ULK4: variants seen among roughly 807,000 people sequenced by gnomAD.
ULK4 encodes the protein inactive serine/threonine-protein kinase ULK4.
ULK4 carries 133 observed loss-of-function variants against 160.6 expected under a neutral mutation model. The observed-to-expected ratio is 0.83, with a 90% confidence interval of 0.72 to 0.96. The LOEUF (loss-of-function observed/expected upper bound fraction) is 0.96, where lower values mean the gene tolerates loss of function less well. ULK4 is among the 40% of genes least tolerant of loss of function. ULK4 has a pLI of 0.00. For missense variants in ULK4, 1,580 were observed against 1,499.5 expected, an observed-to-expected ratio of 1.05 and a Z score of -0.89; for synonymous variants, 534 against 539.8, an observed-to-expected ratio of 0.99 and a Z score of 0.15.
chr3:41,398,732 G>A (rs1163917601), intron 34 of ULK4, among the ~76,000 whole-genome samples: 1 of 151,850 alleles, frequency 6.6e-6, no homozygotes, highest in Non-Finnish European at 1.5e-5. Flanking sequence ...AGTGTATGTA[G>A]TTGCTCAAAC....
chr3:41,886,629 T>C (rs563148982), intron 16 of ULK4, among the ~76,000 whole-genome samples: 5 of 151,524 alleles, frequency 3.3e-5, no homozygotes, highest in Non-Finnish European at 5.9e-5. Context: ...TGGAGTGTAG[T>C]GAGTGGCACA....
chr3:41,792,673 C>T (rs754308595), intron 20 of ULK4, among the ~76,000 whole-genome samples: 3 of 152,164 alleles, frequency 2.0e-5, no homozygotes, highest in Non-Finnish European at 2.9e-5. Context: ...TGTGCAAAAG[C>T]CTAACAGACT....
chr3:41,719,000 G>T (rs1198651931), intron 22 of ULK4, among the ~76,000 whole-genome samples: 1 of 152,136 alleles, frequency 6.6e-6, no homozygotes, highest in East Asian at 1.9e-4. Context: ...CAACCTACTT[G>T]TTCTTCAATC....
intron 17 of ULK4, among the ~76,000 whole-genome samples, chr3:41,869,519 G>GC (rs1559619746): frequency 6.6e-6 from 1 of 152,154 alleles, no homozygotes; most frequent in Non-Finnish European, 1.5e-5. Flanking sequence ...AGGTAGAGGT[G>GC]CAATGAGCCA....
At chr3:41,940,878 G>A (rs1057099663) in intron 2 of ULK4, among the ~76,000 whole-genome samples, 2 of 152,028 alleles carry the variant, frequency 1.3e-5, no homozygotes, top group Non-Finnish European at 2.9e-5. Context: ...AAGCCTATCT[G>A]TTAAAAAATA....
At chr3:41,669,565 A>G (rs972626606) in intron 29 of ULK4, among the ~76,000 whole-genome samples, 1 of 152,186 alleles carries the variant, frequency 6.6e-6, no homozygotes, top group Admixed American at 6.5e-5. Context: ...GCCAAAATGT[A>G]TATGAATTTT....
intron 29 of ULK4, among the ~76,000 whole-genome samples, chr3:41,680,998 A>G (rs2035904254): frequency 1.3e-5 from 2 of 152,196 alleles, no homozygotes; most frequent in Admixed American, 6.5e-5. Flanking sequence ...TGAGCAATGA[A>G]GTAAAAGAAT....
intron 35 of ULK4, among the ~76,000 whole-genome samples, chr3:41,336,516 GA>G (rs2080559664): frequency 1.3e-5 from 2 of 152,348 alleles, no homozygotes; most frequent in South Asian, 4.1e-4. Flanking sequence ...TCTAAGGGAA[GA>G]GTCAACACAT....
chr3:41,597,549 C>G (rs1472655881), intron 31 of ULK4, among the ~76,000 whole-genome samples: 4 of 152,192 alleles, frequency 2.6e-5, no homozygotes, highest in African/African-American at 9.7e-5. Context: ...GTGAAACAAA[C>G]AGTGAGTTCC....
intron 21 of ULK4, among the ~76,000 whole-genome samples, chr3:41,768,905 T>C (rs1047006924): frequency 1.3e-5 from 2 of 152,344 alleles, no homozygotes; most frequent in Admixed American, 6.5e-5. Context: ...CTTCTTGATA[T>C]ACAGATGCTT....
chr3:41,274,216 C>A (rs576588631), intron 35 of ULK4, among the ~76,000 whole-genome samples: 7 of 151,678 alleles, frequency 4.6e-5, no homozygotes, highest in Non-Finnish European at 1.0e-4. Flanking sequence ...ATTTTTTTTC[C>A]TCTTCTTTTG....
At chr3:41,798,995 C>T (rs1380017703) in intron 20 of ULK4, among the ~76,000 whole-genome samples, 1 of 152,098 alleles carries the variant, frequency 6.6e-6, no homozygotes, top group African/African-American at 2.4e-5. Flanking sequence ...AATAGGTCTA[C>T]TTATATGGCA....
intron 18 of ULK4, among the ~76,000 whole-genome samples, chr3:41,826,008 C>G (rs1305856080): frequency 6.6e-6 from 1 of 152,198 alleles, no homozygotes; most frequent in Non-Finnish European, 1.5e-5. Context: ...CAATATTCAA[C>G]ATTCTTAAAG....
At chr3:41,880,837 C>G (rs776920248) in intron 17 of ULK4, among the ~76,000 whole-genome samples, 3 of 152,118 alleles carry the variant, frequency 2.0e-5, no homozygotes, top group Admixed American at 6.6e-5. Flanking sequence ...GGCTGAGAAT[C>G]TCTTCAACCC....
chr3:41,476,289 T>C (rs192320105), intron 32 of ULK4, among the ~76,000 whole-genome samples: 1 of 152,186 alleles, frequency 6.6e-6, no homozygotes, highest in African/African-American at 2.4e-5. Context: ...AGTGAAGAAA[T>C]AAATCTAAAA....
intron 25 of ULK4, among the ~76,000 whole-genome samples, chr3:41,710,792 CA>C (rs201586973): frequency 0.32 from 33,072 of 103,532 alleles, 4,237 homozygotes; most frequent in Middle Eastern, 0.46. Context: ...ACTCTTGTCT[CA>C]AAAAAAAAAA....
At chr3:41,746,146 T>G (rs2038410228) in intron 22 of ULK4, among the ~76,000 whole-genome samples, 1 of 150,722 alleles carries the variant, frequency 6.6e-6, no homozygotes, top group Non-Finnish European at 1.5e-5. Context: ...AACATAGTAC[T>G]GGAAATTCTA....
chr3:41,497,032 C>A (rs1292323296), intron 32 of ULK4, among the ~76,000 whole-genome samples: 36 of 35,430 alleles, frequency 1.0e-3, no homozygotes, highest in African/African-American at 3.0e-3. Flanking sequence ...GGAAATGTAA[C>A]CCATAACCAA....
chr3:41,478,087 T>C (rs1236445018), intron 32 of ULK4, among the ~76,000 whole-genome samples: 4 of 152,210 alleles, frequency 2.6e-5, no homozygotes, highest in Admixed American at 1.3e-4. Flanking sequence ...CCTAGAGCTT[T>C]CAGTTTGGCT....
Sources: allele counts gnomAD v4.1 joint callset (sites outside exome capture counted in the v4.1 genomes callset), GRCh38; gene constraint gnomAD v4.1.1; transcripts MANE v1.5; gene names NCBI Gene and HGNC (gene_info 2026-07-23, HGNC 2026-07-21).